Variants in LCOR observed in about 807,000 individuals in gnomAD.
LCOR encodes ligand dependent nuclear receptor corepressor, also known as ligand-dependent corepressor.
A neutral mutation model predicts 64.4 loss-of-function variants in LCOR; 14 were observed. The observed-to-expected ratio is 0.22, with a 90% CI of 0.14 to 0.34. LCOR has a LOEUF of 0.34. LCOR is among the 10% of genes least tolerant of loss of function. The pLI, the probability that LCOR is intolerant of heterozygous loss-of-function variation, is 1.00. For missense variants in LCOR, 1,686 were observed against 1,765.3 expected, an observed-to-expected ratio of 0.96 and a Z score of 0.80; for synonymous variants, 643 against 642.5, an observed-to-expected ratio of 1.00 and a Z score of -0.01.
At chr10:96,880,146 T>C (rs1012933833) in intron 2 of LCOR, among the ~76,000 whole-genome samples, 1 of 152,222 alleles carries the variant, frequency 6.6e-6, no homozygotes, top group African/African-American at 2.4e-5. Context: ...TTGGTTTTGC[T>C]CTATTTGGTT....
Position 96,936,822 on chromosome 10 carries a change from C to A in LCOR, c.-183-7291C>A, listed in dbSNP as rs760141563. On this transcript the variant is annotated intron_variant, in intron 4 of 7. Transcript: ENST00000421806. Reference sequence around the variant, plus strand: ...CTGAAACTACAGATCGTACCAAACTCTATATATACTATGTTTTTTTCCTGT... The same window carrying A: ...CTGAAACTACAGATCGTACCAAACTATATATATACTATGTTTTTTTCCTGT... Among the ~76,000 whole-genome samples, 3 of 151,522 alleles carry A rather than the reference C, an allele frequency of 2.0e-5. No homozygotes were observed. The South Asian group carries it at 6.2e-4, about 31-fold the overall frequency.
At chr10:96,889,537 C>A (rs2134430430) in intron 2 of LCOR, among the ~76,000 whole-genome samples, 1 of 152,290 alleles carries the variant, frequency 6.6e-6, no homozygotes, top group African/African-American at 2.4e-5. Flanking sequence ...CACAAGTGAT[C>A]TCGAGCGTGT....
rs935809509 is a variant in LCOR at position 96,956,636 on chromosome 10, T to G, written c.332+4440T>G. 4.1e-6 allele frequency: 4 copies of G among 985,886 alleles called. No homozygotes were observed. The South Asian group carries it at 1.9e-4, about 46-fold the overall frequency. 61.1% of individuals were successfully genotyped at this position (985,886 alleles called of 1,614,324 possible). The stretch of plus-strand genomic sequence containing the variant: ...TCAGAAATGCTTCAGTTAATTACTT[T>G]GAACACTACCTTTGCTGTAATTTCA... On this transcript the variant is annotated intron_variant, in intron 7 of 7. Coordinates refer to ENST00000421806, the MANE Select transcript of LCOR (RefSeq NM_001346516.2).
intron 6 of LCOR, among the ~76,000 whole-genome samples, chr10:96,950,816 C>G (rs1847665266): frequency 6.6e-6 from 1 of 151,970 alleles, no homozygotes; most frequent in South Asian, 2.1e-4. Flanking sequence ...GTCTATTTGA[C>G]TTGCGTTTAA....
At chr10:96,934,573 T>C (rs901022903) in intron 4 of LCOR, among the ~76,000 whole-genome samples, 1 of 152,156 alleles carries the variant, frequency 6.6e-6, no homozygotes, top group African/African-American at 2.4e-5. Flanking sequence ...TCCTAGGAGA[T>C]AGAAATTCCA....
In LCOR at chr10:96,873,577, T is replaced by TAC. The variant is rs1248669635; in HGVS notation, c.-329-33688_-329-33687insAC. Among the ~76,000 whole-genome samples the TAC allele has an allele frequency of 1.9e-4, 17 of 89,324 alleles. No individual in the cohort carries two copies. In the East Asian group the frequency reaches 2.5e-3, roughly 13 times the overall value. 58.6% of individuals were successfully genotyped at this position (89,324 alleles called of 152,430 possible). A position where few individuals can be genotyped will look rare whatever the true frequency, so the allele number is the denominator to read the frequency against. On this transcript the variant is annotated intron_variant, in intron 2 of 7. Coordinates refer to ENST00000421806, the MANE Select transcript of LCOR (RefSeq NM_001346516.2). ...TTCGATACACACACACACACGTGTG[T>TAC]GTGTGTGTGTGTGTGTGTGTGTGTG...
chr10:96,981,543 T>C lies in LCOR; in HGVS notation c.1083T>C (p.Ser361=), dbSNP rs1407921086. Residue 361 remains serine, a synonymous_variant, in exon 8 of 8, where the codon TCT becomes TCC. Transcript: ENST00000421806. ...ACTCAGGGTTTATGGGGAACTCATC[T>C]AGAACTGCTGACAAAGAGAATACTT... ...AWNSGFMGNS[S]RTADKENTLQ... is the part of the protein sequence containing the mutation. The C allele has an allele frequency of 1.9e-6, 3 of 1,614,260 alleles. No homozygotes were observed. Among genetic ancestry groups the C allele is most frequent in the Admixed American group, 1.7e-5 (1 of 60,032 alleles).
intron 7 of LCOR, chr10:96,962,169 C>T (rs1457933230): frequency 6.6e-6 from 1 of 152,008 alleles, no homozygotes; most frequent in Non-Finnish European, 1.5e-5. Flanking sequence ...TTGTACCTTT[C>T]TAGCAATTCC....
intron 6 of LCOR, among the ~76,000 whole-genome samples, chr10:96,950,820 C>T (rs7084507): frequency 0.051 from 7,811 of 151,996 alleles, 687 homozygotes; most frequent in African/African-American, 0.18. Context: ...ATTTGACTTG[C>T]GTTTAAATAA....
chr10:96,847,969 G>C (rs1220144518), intron 2 of LCOR, among the ~76,000 whole-genome samples: 2 of 152,112 alleles, frequency 1.3e-5, no homozygotes, highest in Admixed American at 6.6e-5. Context: ...AAAGTGGCAG[G>C]TTTGTTTTTG....
chr10:96,988,752 T>A lies in LCOR; in HGVS notation c.*3618T>A, dbSNP rs1848170788. 6.6e-6 allele frequency: 1 copy of A among 152,250 alleles called. No individual in the cohort carries two copies. Among genetic ancestry groups the A allele is most frequent in the Non-Finnish European group, 1.5e-5 (1 of 68,048 alleles). The allele number at this position is 152,250 out of a possible 1,614,324, so 9.4% of individuals were successfully genotyped here. A position where few individuals can be genotyped will look rare whatever the true frequency, so the allele number is the denominator to read the frequency against. Reference sequence around the variant, plus strand: ...TGCTGTAGTGTTACTATCAGCAAGTTCTGTGCAGACTGCCTTTCGGATTCC... The same window carrying A: ...TGCTGTAGTGTTACTATCAGCAAGTACTGTGCAGACTGCCTTTCGGATTCC... On this transcript the variant is annotated 3_prime_UTR_variant, in exon 8 of 8. Coordinates refer to ENST00000421806, the MANE Select transcript of LCOR (RefSeq NM_001346516.2).
chr10:96,975,715 A>G (rs564215254), intron 7 of LCOR, among the ~76,000 whole-genome samples: 2 of 152,080 alleles, frequency 1.3e-5, no homozygotes, highest in African/African-American at 4.8e-5. Context: ...AAATTATAGG[A>G]TAAATATACA....
chr10:96,842,632 CTTT>C (rs976571447), intron 2 of LCOR, among the ~76,000 whole-genome samples: 5 of 134,366 alleles, frequency 3.7e-5, no homozygotes, highest in Non-Finnish European at 4.9e-5. Flanking sequence ...CTTTTCTTTT[CTTT>C]TTTTTTTTTT....
chr10:96,905,526 T>C (rs1846712642), intron 2 of LCOR, among the ~76,000 whole-genome samples: 1 of 152,152 alleles, frequency 6.6e-6, no homozygotes, highest in African/African-American at 2.4e-5. Flanking sequence ...TCTGAAAATA[T>C]CTGATCTCCA....
At chr10:96,841,245 A>G (rs1485313888) in intron 2 of LCOR, among the ~76,000 whole-genome samples, 1 of 152,260 alleles carries the variant, frequency 6.6e-6, no homozygotes, top group Non-Finnish European at 1.5e-5. Flanking sequence ...GCAGTAATCT[A>G]GATGAATAAT....
chr10:96,945,761 C>T (rs1847576179), intron 5 of LCOR, among the ~76,000 whole-genome samples: 3 of 152,076 alleles, frequency 2.0e-5, no homozygotes. Context: ...AGGACTTCCT[C>T]TCCCTAATTT....
chr10:96,967,616 G>T (rs1056504637), intron 7 of LCOR, among the ~76,000 whole-genome samples: 3 of 152,018 alleles, frequency 2.0e-5, no homozygotes, highest in African/African-American at 7.3e-5. Context: ...TACACAAATC[G>T]TATCTGTACG....
rs561825805 is a variant in LCOR at position 96,895,605 on chromosome 10, T to C, written c.-329-11660T>C. Among the ~76,000 whole-genome samples the C allele has an allele frequency of 2.6e-5, 4 of 152,352 alleles. No individual in the cohort carries two copies. In the East Asian group the frequency reaches 7.7e-4, roughly 29 times the overall value. ...AATTCAAAATCCAGTCTCCTCACCG[T>C]GGACTGTATGATCATACCTCTAAAT... On this transcript the variant is annotated intron_variant, in intron 2 of 7. Transcript: ENST00000421806.
chr10:96,935,145 T>C (rs975433321), intron 4 of LCOR, among the ~76,000 whole-genome samples: 2 of 126,408 alleles, frequency 1.6e-5, no homozygotes, highest in Admixed American at 7.7e-5. Flanking sequence ...TTTACTTTTT[T>C]TTTTTTTTTT....
Sources: gnomAD v4.1 joint callset for allele counts (sites outside exome capture counted in the v4.1 genomes callset) on GRCh38, gnomAD v4.1.1 for gene constraint, MANE v1.5 for transcripts, NCBI Gene and HGNC (gene_info 2026-07-23, HGNC 2026-07-21) for gene names.